COL12A1: variants seen among roughly 807,000 people sequenced by gnomAD.
The protein encoded by COL12A1 is collagen type XII alpha 1 chain.
COL12A1 carries 114 observed loss-of-function variants against 349.7 expected under a neutral mutation model. The ratio of observed to expected loss-of-function variants is 0.33; its 90% CI spans 0.28 to 0.38. The LOEUF is 0.38. COL12A1 is among the 10% of genes least tolerant of loss of function. The probability of loss-of-function intolerance (pLI) is 1.00; values close to 1 mark genes in which losing one functional copy is unlikely to be tolerated. For missense variants in COL12A1, 3,284 were observed against 3,756.9 expected (o/e 0.87, Z 3.29); for synonymous variants, 1,369 against 1,329.0 (o/e 1.03, Z -0.66).
At chr6:75,176,761 T>A (rs1260166082) in intron 12 of COL12A1, among the ~76,000 whole-genome samples, 1 of 152,236 alleles carries the variant, frequency 6.6e-6, no homozygotes, top group Non-Finnish European at 1.5e-5. Flanking sequence ...AAGCTCTTTG[T>A]ACAGAACCTG....
At chr6:75,125,473 A>G (rs1765968476) in intron 39 of COL12A1, among the ~76,000 whole-genome samples, 200 bp from the exon 40 acceptor site, 1 of 152,142 alleles carries the variant, frequency 6.6e-6, no homozygotes, top group Non-Finnish European at 1.5e-5. Context: ...TCACCCTCCT[A>G]TTCTCAAAGC....
intron 43 of COL12A1, among the ~76,000 whole-genome samples, chr6:75,122,671 C>G (rs183629794): frequency 6.6e-6 from 1 of 152,012 alleles, no homozygotes; most frequent in South Asian, 2.1e-4. Flanking sequence ...TTGTAACGTT[C>G]GACATCCTTC....
Position 75,148,486 on chromosome 6 carries a change from C to A in COL12A1, c.4159G>T (p.Ala1387Ser). The change falls in exon 22 of 66, where the codon GCA (alanine) becomes TCA (serine). Residue 1387 changes from alanine (A) to serine (S), a missense_variant. Ala to Ser is a moderately conservative substitution (Grantham distance 99, BLOSUM62 1). This residue lies in a region of COL12A1 where 2,601 missense variants were observed against 2,824.8 expected (regional missense o/e 0.92). Transcript: ENST00000322507. ...TCAGAAATAACTAAGTTAGAAGGTGCTTCCAAATCACCTACACATGGAAAT... is the reference window on the plus strand; with the variant it reads ...TCAGAAATAACTAAGTTAGAAGGTGATTCCAAATCACCTACACATGGAAAT... Reference protein sequence around the residue: ...NSVKGPGDLEAPSNLVISERT... With the variant: ...NSVKGPGDLESPSNLVISERT... The A allele has an allele frequency of 6.2e-7, 1 of 1,612,808 alleles. No individual in the cohort carries two copies. Among genetic ancestry groups the A allele is most frequent in the Non-Finnish European group, 8.5e-7 (1 of 1,179,198 alleles).
At chr6:75,170,569 CA>C (rs1295430837) in intron 13 of COL12A1, among the ~76,000 whole-genome samples, 1 of 152,020 alleles carries the variant, frequency 6.6e-6, no homozygotes, top group Non-Finnish European at 1.5e-5. Context: ...TCGGCTTGAG[CA>C]AAAAAGTGTT....
Position 75,202,831 on chromosome 6 carries a change from C to A in COL12A1, c.-35-4G>T, listed in dbSNP as rs1186073422. On this transcript the variant is annotated splice_polypyrimidine_tract_variant and splice_region_variant and intron_variant, in intron 1 of 65. Coordinates refer to ENST00000322507, the MANE Select transcript of COL12A1 (RefSeq NM_004370.6). ...GCTTACAGCGGCATGAAGAGATCTG[C>A]GGGAGGAAGTAGTGACTGCATCAGA... is the stretch of plus-strand genomic sequence containing the variant. 18 of 1,540,448 alleles carry A rather than the reference C, an allele frequency of 1.2e-5. No homozygotes were observed. In the East Asian group the frequency reaches 3.4e-4, roughly 29 times the overall value.
chr6:75,194,955 A>G lies in COL12A1; in HGVS notation c.74-8T>C, dbSNP rs1582219610. 1 of 1,498,902 alleles carries G rather than the reference A, an allele frequency of 6.7e-7. No homozygotes were observed. The highest frequency in any genetic ancestry group is 9.2e-7 in the Non-Finnish European group (1 of 1,084,244). 92.9% of individuals were successfully genotyped at this position (1,498,902 alleles called of 1,614,324 possible). A position where few individuals can be genotyped will look rare whatever the true frequency, so the allele number is the denominator to read the frequency against. ...AGTCTGAAGGTGGGTCAACTGCAAAAGAGAGAGTTTATATTATTAAACTTT... is the reference window on the plus strand; with the variant it reads ...AGTCTGAAGGTGGGTCAACTGCAAAGGAGAGAGTTTATATTATTAAACTTT... On this transcript the variant is annotated splice_polypyrimidine_tract_variant and splice_region_variant and intron_variant, in intron 2 of 65. Transcript: ENST00000322507.
intron 13 of COL12A1, among the ~76,000 whole-genome samples, chr6:75,167,161 AT>A (rs1395586204): frequency 6.6e-6 from 1 of 151,936 alleles, no homozygotes; most frequent in Non-Finnish European, 1.5e-5. Flanking sequence ...ACACCTTTCT[AT>A]TTTCTCTACT....
Position 75,090,190 on chromosome 6 carries a change from C to T in COL12A1, c.8861G>A (p.Gly2954Glu), listed in dbSNP as rs1767690232. ...PGPPGPPGSA[G>E]ARGEPGPGGR... is the part of the protein sequence containing the mutation. ...CCCAGGCCCAGGTTCTCCTCTGGCT[C>T]CTGCGCTACCAGGAGGTCCCGGTGG... The change falls in exon 63 of 66, where the codon GGA (glycine) becomes GAA (glutamate). Residue 2954 changes from glycine (G) to glutamate (E), a missense_variant. Gly to Glu is a moderately conservative substitution (Grantham distance 98). Transcript: ENST00000322507. This position sits in a 1 kb window ranked among gnomAD's most constrained non-coding sequence, Gnocchi z 4.1. 6.2e-7 allele frequency: 1 copy of T among 1,614,082 alleles called. No individual in the cohort carries two copies. The highest frequency in any genetic ancestry group is 8.5e-7 in the Non-Finnish European group (1 of 1,180,004).
At position 75,189,607 on chromosome 6, in the gene COL12A1, AT is replaced by A; in HGVS notation, c.602del (p.Asp201ValfsTer7). On this transcript the variant is annotated frameshift_variant, in exon 6 of 66. Coordinates refer to ENST00000322507, the MANE Select transcript of COL12A1 (RefSeq NM_004370.6). LOFTEE classifies it high-confidence loss of function. ...TTTTTTTTATTGCAGCAAGAAGTTC[AT>A]CCCTTTGGTAGTACTGATTTAAGTT... ...EFNLNQYYQRDELLAAIKKIP... is the reference protein window; with the variant it reads ...EFNLNQYYQRXELLAAIKKIP... The A allele has an allele frequency of 6.2e-7, 1 of 1,613,352 alleles. No individual in the cohort carries two copies. Among genetic ancestry groups the A allele is most frequent in the Non-Finnish European group, 8.5e-7 (1 of 1,179,514 alleles).
rs74728897 is a variant in COL12A1, at chr6:75,089,926, A to G, written c.8941+184T>C. 0.015 allele frequency among the ~76,000 whole-genome samples: 2,312 copies of G among 152,260 alleles called. 50 individuals are homozygous for G. Among genetic ancestry groups the G allele is most frequent in the African/African-American group, 0.052 (2,164 of 41,540 alleles). ...CTTTACTGAGATCTGATAAAAACAT[A>G]CCATTTTTCTAAGACATGGATCTCT... On this transcript the variant is annotated intron_variant, in intron 63 of 65. Coordinates refer to ENST00000322507, the MANE Select transcript of COL12A1 (RefSeq NM_004370.6).
At chr6:75,116,876 C>T (rs1221890756) in intron 47 of COL12A1, among the ~76,000 whole-genome samples, 1 of 151,966 alleles carries the variant, frequency 6.6e-6, no homozygotes, top group African/African-American at 2.4e-5. Flanking sequence ...AAGAATAAAT[C>T]GACTTAAATA....
rs1255275160 is a variant in COL12A1 at position 75,091,375 on chromosome 6, G to A, written c.8700C>T (p.Ser2900=). The A allele has an allele frequency of 1.2e-6, 2 of 1,613,534 alleles. No individual in the cohort carries two copies. Among genetic ancestry groups the A allele is most frequent in the Middle Eastern group, 1.6e-4 (1 of 6,080 alleles). Residue 2900 remains serine, a synonymous_variant, in exon 62 of 66, where the codon TCC becomes TCT. Coordinates refer to ENST00000322507, the MANE Select transcript of COL12A1 (RefSeq NM_004370.6). Reference sequence around the variant, plus strand: ...TTGCAACTGCTCGCATCATGTTCTGGGAAGCAATGTCTCCCTTGTTGAATT... The same window carrying A: ...TTGCAACTGCTCGCATCATGTTCTGAGAAGCAATGTCTCCCTTGTTGAATT... ...GEKGDRGDIA[S]QNMMRAVARQ...
At chr6:75,182,970 AC>A (rs1217274187) in intron 10 of COL12A1, 79 bp downstream of exon 10, 1 of 1,479,390 alleles carries the variant, frequency 6.8e-7, no homozygotes, top group African/African-American at 1.4e-5. Flanking sequence ...GAAGAATTGA[AC>A]AAGCATATTA....
rs1766117676 is a variant in COL12A1, at chr6:75,128,317, G to A, written c.6319C>T (p.Leu2107=). Residue 2107 remains leucine, a synonymous_variant, in exon 38 of 66, where the codon CTA becomes TTA. Transcript: ENST00000322507. ...AVYEDGDGGH[L]TGNGRTVGLL... is the part of the protein sequence containing the mutation. ...TTACCAGTTCTTCCATTTCCTGTTAGATGGCCACCATCTCCATCTTCATAA... is the reference window on the plus strand; with the variant it reads ...TTACCAGTTCTTCCATTTCCTGTTAAATGGCCACCATCTCCATCTTCATAA... The A allele has an allele frequency of 6.2e-7, 1 of 1,603,716 alleles. No homozygotes were observed. Among genetic ancestry groups the A allele is most frequent in the East Asian group, 2.2e-5 (1 of 44,540 alleles).
intron 21 of COL12A1, 47 bp downstream of exon 21, chr6:75,151,094 C>T (rs1418152478): frequency 2.3e-6 from 2 of 855,460 alleles, no homozygotes; most frequent in Non-Finnish European, 3.3e-6. Flanking sequence ...TTATTTGGCC[C>T]AAAATACCAG....
At chr6:75,116,131 A>G (rs1769065818) in intron 47 of COL12A1, 74 bp from the exon 48 acceptor site, 1 of 1,376,200 alleles carries the variant, frequency 7.3e-7, no homozygotes, top group Non-Finnish European at 1.0e-6. Context: ...GAAAGTAGCA[A>G]TGAACGTATT....
chr6:75,101,453 G>C (rs967455991), intron 58 of COL12A1, 147 bp downstream of exon 58: 1 of 630,392 alleles, frequency 1.6e-6, no homozygotes, highest in South Asian at 2.8e-5. Flanking sequence ...GATGTTGGAT[G>C]GTCCACTGAC....
At chr6:75,198,194 A>G (rs964966104) in intron 2 of COL12A1, among the ~76,000 whole-genome samples, 3 of 152,226 alleles carry the variant, frequency 2.0e-5, no homozygotes, top group African/African-American at 4.8e-5. Context: ...AACAATATTT[A>G]TATGTAGTTA....
rs1765886657 is a variant in COL12A1 at position 75,124,060 on chromosome 6, T to G, written c.6759A>C (p.Ser2253=). The G allele has an allele frequency of 1.2e-6, 2 of 1,613,844 alleles. No homozygotes were observed. The highest frequency in any genetic ancestry group is 2.7e-5 in the African/African-American group (2 of 74,926). ...TRGQEITVRG[S]ETSHCFTGLS... is the part of the protein sequence containing the mutation. ...GGCCAGTGAAGCAGTGACTGGTTTC[T>G]GATCCACGCACTGTAATTTCTTGTC... is the stretch of plus-strand genomic sequence containing the variant. The change falls in exon 42 of 66, where the codon TCA becomes TCC. Residue 2253 remains serine (S), a synonymous_variant. Coordinates refer to ENST00000322507, the MANE Select transcript of COL12A1 (RefSeq NM_004370.6).
Sources: allele counts gnomAD v4.1 joint callset (sites outside exome capture counted in the v4.1 genomes callset), GRCh38; gene constraint gnomAD v4.1.1; regional missense constraint gnomAD v4.1.1; non-coding constraint Gnocchi (gnomAD v3.1); transcripts MANE v1.5; gene names NCBI Gene and HGNC (gene_info 2026-07-23, HGNC 2026-07-21).